HMCES: variants seen among roughly 807,000 people sequenced by gnomAD.
The protein encoded by HMCES is abasic site processing protein HMCES.
In HMCES, 27 loss-of-function variants were observed where a neutral mutation model predicts 35.1. That is an observed-to-expected ratio of 0.77 (90% CI 0.57 to 1.06). HMCES has a LOEUF of 1.06. HMCES is among the 50% of genes least tolerant of loss of function. The probability of loss-of-function intolerance (pLI) is 0.00; values close to 1 mark genes in which losing one functional copy is unlikely to be tolerated. For missense variants in HMCES, 391 were observed against 430.4 expected (o/e 0.91, Z 0.81); for synonymous variants, 130 against 154.7 (o/e 0.84, Z 1.18).
At chr3:129,290,990 C>G (rs2071007938) in intron 4 of HMCES, among the ~76,000 whole-genome samples, 186 bp downstream of exon 4, 1 of 152,070 alleles carries the variant, frequency 6.6e-6, no homozygotes, top group Non-Finnish European at 1.5e-5. Flanking sequence ...ATTGCTTGAG[C>G]CTAGGAGTTT....
In HMCES at chr3:129,305,958, C is replaced by T. The variant is rs935606372; in HGVS notation, c.*1133C>T. ...CTTTCCCGAGGTCCGCCCTCTCCGCCTTTTCTCTAAATTCCTCTTTTGAGT... is the reference window on the plus strand; with the variant it reads ...CTTTCCCGAGGTCCGCCCTCTCCGCTTTTTCTCTAAATTCCTCTTTTGAGT... On this transcript the variant is annotated 3_prime_UTR_variant, in exon 7 of 7. Coordinates refer to ENST00000383463, the MANE Select transcript of HMCES (RefSeq NM_020187.3). The T allele has an allele frequency of 7.2e-5, 11 of 152,338 alleles. No individual in the cohort carries two copies. Among genetic ancestry groups the T allele is most frequent in the African/African-American group, 2.4e-4 (10 of 41,480 alleles). 9.4% of individuals were successfully genotyped at this position (152,338 alleles called of 1,614,324 possible).
chr3:129,279,257 T>A lies in HMCES; in HGVS notation c.-24+352T>A. 6.4e-6 allele frequency: 1 copy of A among 157,096 alleles called. No homozygotes were observed. Among genetic ancestry groups the A allele is most frequent in the Middle Eastern group, 3.1e-3 (1 of 326 alleles). 9.7% of individuals were successfully genotyped at this position (157,096 alleles called of 1,614,324 possible). A position where few individuals can be genotyped will look rare whatever the true frequency, so the allele number is the denominator to read the frequency against. ...GGACTAGCGGGCGGGAGGCGGGGAT[T>A]CTGCACCCCGGCCCCGGGCCGTCCA... On this transcript the variant is annotated intron_variant, in intron 1 of 6. Coordinates refer to ENST00000383463, the MANE Select transcript of HMCES (RefSeq NM_020187.3). The surrounding 1 kb of genome is among the most constrained non-coding windows in gnomAD (Gnocchi z 4.2).
At chr3:129,294,194 G>A (rs767930685) in intron 4 of HMCES, among the ~76,000 whole-genome samples, 9 of 151,978 alleles carry the variant, frequency 5.9e-5, no homozygotes, top group Admixed American at 1.3e-4. Context: ...TAAGGCGGGC[G>A]GATCATGAGG....
At chr3:129,302,905 A>T (rs1003931864) in intron 6 of HMCES, among the ~76,000 whole-genome samples, 4 of 151,452 alleles carry the variant, frequency 2.6e-5, no homozygotes, top group East Asian at 1.9e-4. Flanking sequence ...ACATTTGAGG[A>T]CTCCTAATCT....
At chr3:129,295,439 A>C (rs566674788) in intron 4 of HMCES, among the ~76,000 whole-genome samples, 3 of 151,778 alleles carry the variant, frequency 2.0e-5, no homozygotes, top group South Asian at 2.1e-4. Flanking sequence ...TCTATCAAAA[A>C]AAAAAACAAA....
chr3:129,287,499 T>C (rs1389928926), intron 2 of HMCES, among the ~76,000 whole-genome samples: 2 of 152,124 alleles, frequency 1.3e-5, no homozygotes, highest in African/African-American at 2.4e-5. Context: ...GAGGTTTTTA[T>C]TGGAGGCTGA....
At chr3:129,295,443 AAAC>A (rs2071080929) in intron 4 of HMCES, among the ~76,000 whole-genome samples, 2 of 151,902 alleles carry the variant, frequency 1.3e-5, no homozygotes, top group East Asian at 1.9e-4. Flanking sequence ...TCAAAAAAAA[AAAC>A]AAAAAAAACC....
chr3:129,292,683 G>A lies in HMCES; in HGVS notation c.453+1879G>A, dbSNP rs146427809. ...AATTTTTTGTATTTTTAGTAGAGAC[G>A]CGGTGTTAGCCAGAATGGTCTCAAT... On this transcript the variant is annotated intron_variant, in intron 4 of 6. Transcript: ENST00000383463. Among the ~76,000 whole-genome samples, 1,364 of 151,610 alleles carry A rather than the reference G, an allele frequency of 9.0e-3. 15 individuals are homozygous for A. The highest frequency in any genetic ancestry group is 0.031 in the African/African-American group (1,294 of 41,390).
At chr3:129,282,519 G>A (rs1940525410) in intron 2 of HMCES, among the ~76,000 whole-genome samples, 1 of 152,162 alleles carries the variant, frequency 6.6e-6, no homozygotes, top group Admixed American at 6.6e-5. Context: ...GGAAGGTGGA[G>A]CCACTAGCAA....
rs1227473952 is a variant in HMCES, at chr3:129,305,497, CT to C, written c.*675del. On this transcript the variant is annotated 3_prime_UTR_variant, in exon 7 of 7. Coordinates refer to ENST00000383463, the MANE Select transcript of HMCES (RefSeq NM_020187.3). ...TTGATACTTGGAAGTCGTCTGAATC[CT>C]TTAGCTTCAAACCAGCCTGAGTTTG... 6.6e-5 allele frequency: 10 copies of C among 152,246 alleles called. No homozygotes were observed. The highest frequency in any genetic ancestry group is 1.9e-4 in the African/African-American group (8 of 41,530). 9.4% of individuals were successfully genotyped at this position (152,246 alleles called of 1,614,324 possible).
At chr3:129,294,199 A>G (rs1331528006) in intron 4 of HMCES, among the ~76,000 whole-genome samples, 1 of 152,118 alleles carries the variant, frequency 6.6e-6, no homozygotes, top group African/African-American at 2.4e-5. Context: ...CGGGCGGATC[A>G]TGAGGTCAGG....
At chr3:129,297,107 C>T (rs893439901) in intron 4 of HMCES, among the ~76,000 whole-genome samples, 5 of 152,176 alleles carry the variant, frequency 3.3e-5, no homozygotes, top group African/African-American at 4.8e-5. Flanking sequence ...TAAGGATTGA[C>T]TTTCCAGAGG....
At chr3:129,294,820 C>G (rs1380604545) in intron 4 of HMCES, among the ~76,000 whole-genome samples, 1 of 151,932 alleles carries the variant, frequency 6.6e-6, no homozygotes, top group African/African-American at 2.4e-5. Flanking sequence ...GTAATAAATT[C>G]TGATTTTTTT....
At chr3:129,304,468 T>A in intron 6 of HMCES, 121 bp from the exon 7 acceptor site, 1 of 804,946 alleles carries the variant, frequency 1.2e-6, no homozygotes, top group Non-Finnish European at 2.1e-6. Context: ...AGCTGGCCCT[T>A]AGTAACATTT....
intron 4 of HMCES, among the ~76,000 whole-genome samples, chr3:129,293,474 A>G (rs1367621705): frequency 6.6e-6 from 1 of 152,112 alleles, no homozygotes; most frequent in Non-Finnish European, 1.5e-5. Flanking sequence ...AACATCTATC[A>G]ATTATAATAG....
chr3:129,290,666 C>T lies in HMCES; in HGVS notation c.328-13C>T, dbSNP rs747928570. 6.2e-7 allele frequency: 1 copy of T among 1,611,046 alleles called. No individual in the cohort carries two copies. Among genetic ancestry groups the T allele is most frequent in the Non-Finnish European group, 8.5e-7 (1 of 1,177,922 alleles). ...TATCACTAAGACCATATCTTGCTCA[C>T]ATTTTCCCTCAGGTGCCTCTGGGAA... is the stretch of plus-strand genomic sequence containing the variant. On this transcript the variant is annotated splice_polypyrimidine_tract_variant and intron_variant, in intron 3 of 6. Transcript: ENST00000383463.
Position 129,279,679 on chromosome 3 carries a change from A to C in HMCES, c.-23-31A>C. The C allele has an allele frequency of 6.3e-7, 1 of 1,593,610 alleles. No homozygotes were observed. The highest frequency in any genetic ancestry group is 8.6e-7 in the Non-Finnish European group (1 of 1,167,086). On this transcript the variant is annotated intron_variant, in intron 1 of 6. Coordinates refer to ENST00000383463, the MANE Select transcript of HMCES (RefSeq NM_020187.3). This position sits in a 1 kb window ranked among gnomAD's most constrained non-coding sequence, Gnocchi z 4.2. Reference sequence around the variant, plus strand: ...ATAAGACCTAATATTTGAGATACGTAAGCCTTTTCCTTACGTTTTGTAATT... The same window carrying C: ...ATAAGACCTAATATTTGAGATACGTCAGCCTTTTCCTTACGTTTTGTAATT...
At chr3:129,281,040 G>A (rs1421409729) in intron 2 of HMCES, among the ~76,000 whole-genome samples, 3 of 151,958 alleles carry the variant, frequency 2.0e-5, no homozygotes, top group Non-Finnish European at 4.4e-5. Flanking sequence ...TGGCCAACAT[G>A]GTGAAACCCT....
At chr3:129,292,523 C>G (rs112728627) in intron 4 of HMCES, among the ~76,000 whole-genome samples, 2,178 of 143,246 alleles carry the variant, frequency 0.015, 60 homozygotes, top group African/African-American at 0.053. Context: ...GACAGAGTCT[C>G]TCTCTGTTGC....
Sources: allele counts gnomAD v4.1 joint callset (sites outside exome capture counted in the v4.1 genomes callset), GRCh38; gene constraint gnomAD v4.1.1; non-coding constraint Gnocchi (gnomAD v3.1); transcripts MANE v1.5; gene names NCBI Gene and HGNC (gene_info 2026-07-23, HGNC 2026-07-21).